ENOX1: variants seen among roughly 807,000 people sequenced by gnomAD.
The protein encoded by ENOX1 is ecto-NOX disulfide-thiol exchanger 1, also known as candidate growth-related and time keeping constitutive hydroquinone (NADH) oxidase.
A neutral mutation model predicts 82.5 loss-of-function variants in ENOX1; 42 were observed. That is an observed-to-expected ratio of 0.51 (90% CI 0.40 to 0.66). The LOEUF is 0.66. ENOX1 is among the 30% of genes least tolerant of loss of function. The pLI, the probability that ENOX1 is intolerant of heterozygous loss-of-function variation, is 0.00. For synonymous variants in ENOX1, 271 were observed against 282.2 expected (o/e 0.96, Z 0.40); for missense variants, 608 against 811.6 (o/e 0.75, Z 3.05).
chr13:43,362,040 G>A (rs1235824787), intron 5 of ENOX1, among the ~76,000 whole-genome samples: 2 of 150,346 alleles, frequency 1.3e-5, no homozygotes, highest in Non-Finnish European at 2.9e-5. Context: ...TTAGATACAT[G>A]CAGGCATAAA....
chr13:43,623,943 C>A (rs1166447692), intron 2 of ENOX1, among the ~76,000 whole-genome samples: 1 of 152,030 alleles, frequency 6.6e-6, no homozygotes, highest in East Asian at 1.9e-4. Context: ...AAGATAAATG[C>A]CCAGGAATGC....
At chr13:43,557,883 C>T (rs1566523275) in intron 2 of ENOX1, among the ~76,000 whole-genome samples, 1 of 152,068 alleles carries the variant, frequency 6.6e-6, no homozygotes, top group South Asian at 2.1e-4. Flanking sequence ...AAAAGATATA[C>T]GAAGATTTGT....
At position 43,501,291 on chromosome 13, in the gene ENOX1, G is replaced by A. The variant is rs2076972373; in HGVS notation, c.-218-17139C>T. Among the ~76,000 whole-genome samples, 3 of 151,740 alleles carry A rather than the reference G, an allele frequency of 2.0e-5. No homozygotes were observed. The South Asian group carries it at 6.2e-4, about 31-fold the overall frequency. On this transcript the variant is annotated intron_variant, in intron 2 of 16. Transcript: ENST00000690772. ...AGATCATTATATAGGGGAAAAAAGA[G>A]TCAGTTTAACAGGAAGATAACAGTA... is the stretch of plus-strand genomic sequence containing the variant.
chr13:43,658,094 G>A (rs936794153), intron 2 of ENOX1, among the ~76,000 whole-genome samples: 1 of 152,058 alleles, frequency 6.6e-6, no homozygotes, highest in Non-Finnish European at 1.5e-5. Flanking sequence ...TATTGATCAA[G>A]AATTGTGTTC....
At chr13:43,467,218 C>T (rs1310158175) in intron 3 of ENOX1, among the ~76,000 whole-genome samples, 1 of 152,188 alleles carries the variant, frequency 6.6e-6, no homozygotes, top group Non-Finnish European at 1.5e-5. Context: ...CAGCACTTTA[C>T]AATCCCATCA....
intron 1 of ENOX1, among the ~76,000 whole-genome samples, chr13:43,762,156 C>T (rs1951019915): frequency 6.6e-6 from 1 of 152,160 alleles, no homozygotes; most frequent in African/African-American, 2.4e-5. Context: ...TAAATTAAAG[C>T]AGCTCAGGGG....
Position 43,756,710 on chromosome 13 carries a change from T to C in ENOX1, c.-285+29942A>G, listed in dbSNP as rs183252253. On this transcript the variant is annotated intron_variant, in intron 1 of 16. Transcript: ENST00000690772. ...GTAAGGATTTGCTCATTAGGGGCTATCCCAGAAGCAGTTGAGCTGAAATTG... is the reference window on the plus strand; with the variant it reads ...GTAAGGATTTGCTCATTAGGGGCTACCCCAGAAGCAGTTGAGCTGAAATTG... Among the ~76,000 whole-genome samples the C allele has an allele frequency of 2.2e-3, 341 of 152,224 alleles. 7 individuals are homozygous for C. Among genetic ancestry groups the C allele is most frequent in the Admixed American group, 2.4e-3 (36 of 15,292 alleles).
intron 1 of ENOX1, among the ~76,000 whole-genome samples, chr13:43,686,009 G>A (rs1445317600): frequency 6.6e-6 from 1 of 151,916 alleles, no homozygotes; most frequent in Non-Finnish European, 1.5e-5. Flanking sequence ...GAGTCCTTAG[G>A]GATAATCTTT....
chr13:43,449,222 CAA>C (rs1338896166), intron 3 of ENOX1, among the ~76,000 whole-genome samples: 2 of 152,206 alleles, frequency 1.3e-5, no homozygotes, highest in Non-Finnish European at 2.9e-5. Context: ...TAAGCAGACG[CAA>C]ACACTGTTTT....
intron 9 of ENOX1, among the ~76,000 whole-genome samples, chr13:43,332,596 A>T (rs1405981067): frequency 1.3e-5 from 2 of 152,250 alleles, no homozygotes; most frequent in East Asian, 1.9e-4. Context: ...AAATGATCAA[A>T]TTGTTCAAAT....
At chr13:43,681,188 A>T (rs2085764768) in intron 1 of ENOX1, among the ~76,000 whole-genome samples, 1 of 152,122 alleles carries the variant, frequency 6.6e-6, no homozygotes, top group Non-Finnish European at 1.5e-5. Flanking sequence ...TTTCCCATTT[A>T]TACTTTTGTT....
chr13:43,355,873 TG>T, intron 8 of ENOX1, 45 bp downstream of exon 8: 1 of 1,550,416 alleles, frequency 6.4e-7, no homozygotes, highest in Non-Finnish European at 8.8e-7. Context: ...GTTCCGTGTC[TG>T]GGGATCCCTG....
At chr13:43,620,749 A>G (rs2082689890) in intron 2 of ENOX1, among the ~76,000 whole-genome samples, 1 of 152,164 alleles carries the variant, frequency 6.6e-6, no homozygotes, top group Non-Finnish European at 1.5e-5. Flanking sequence ...TTCTGTATAT[A>G]TCTGTTAAGT....
intron 1 of ENOX1, among the ~76,000 whole-genome samples, chr13:43,718,017 C>A (rs117071761): frequency 6.6e-6 from 1 of 152,164 alleles, no homozygotes; most frequent in African/African-American, 2.4e-5. Context: ...TTTGAGCTAG[C>A]AACTCACTAC....
chr13:43,779,638 C>T (rs1276253553), intron 1 of ENOX1, among the ~76,000 whole-genome samples: 1 of 152,174 alleles, frequency 6.6e-6, no homozygotes. Context: ...AGTATTGTGA[C>T]AAACACATCA....
intron 5 of ENOX1, among the ~76,000 whole-genome samples, chr13:43,369,987 G>A (rs2051114888): frequency 6.6e-6 from 1 of 152,178 alleles, no homozygotes; most frequent in South Asian, 2.1e-4. Context: ...CATTATTTCT[G>A]TTCTTTCCCC....
Position 43,214,012 on chromosome 13 carries a change from A to T in ENOX1, c.1910T>A (p.Phe637Tyr). The change falls in exon 17 of 17, where the codon TTT becomes TAT. Residue 637 changes from phenylalanine (F) to tyrosine (Y), a missense_variant. Physicochemically the swap from Phe to Tyr is conservative, Grantham distance 22. Coordinates refer to ENST00000690772, the MANE Select transcript of ENOX1 (RefSeq NM_001347969.2). ...CAGTTAGGTAGTTTTAATTCCTTCA[A>T]AGGCACACAGCTTCCATCTTTTTTC... Reference protein sequence around the residue: ...TLEKRWKLCAFEGIKTT With the variant: ...TLEKRWKLCAYEGIKTT 1 of 1,613,912 alleles carries T rather than the reference A, an allele frequency of 6.2e-7. No homozygotes were observed. The highest frequency in any genetic ancestry group is 8.5e-7 in the Non-Finnish European group (1 of 1,179,894).
At chr13:43,679,014 A>T (rs1391613053) in intron 1 of ENOX1, among the ~76,000 whole-genome samples, 1 of 151,556 alleles carries the variant, frequency 6.6e-6, no homozygotes, top group Non-Finnish European at 1.5e-5. Flanking sequence ...ATAATTTTAG[A>T]AAAAAAATTT....
intron 14 of ENOX1, among the ~76,000 whole-genome samples, chr13:43,237,796 C>T (rs148523025): frequency 4.1e-4 from 63 of 152,208 alleles, no homozygotes; most frequent in African/African-American, 1.4e-3. Flanking sequence ...AAACCACACC[C>T]GAAGGCATTC....
Sources: allele counts gnomAD v4.1 joint callset (sites outside exome capture counted in the v4.1 genomes callset), GRCh38; gene constraint gnomAD v4.1.1; transcripts MANE v1.5; gene names NCBI Gene and HGNC (gene_info 2026-07-23, HGNC 2026-07-21).